The following CPT1A variants were observed in gnomAD, a reference collection of about 807,000 sequenced individuals.
CPT1A encodes the protein carnitine palmitoyltransferase 1A, also known as carnitine O-palmitoyltransferase 1, liver isoform.
In CPT1A, 64 loss-of-function variants were observed where a neutral mutation model predicts 100.8. The ratio of observed to expected loss-of-function variants is 0.63; its 90% CI spans 0.52 to 0.78. The LOEUF is 0.78. Among genes scored for constraint, CPT1A ranks in the 30% least tolerant of loss-of-function variants. The probability of loss-of-function intolerance (pLI) is 0.00; values close to 1 mark genes in which losing one functional copy is unlikely to be tolerated. For missense variants in CPT1A, 802 were observed against 1,034.1 expected (o/e 0.78, Z 3.08); for synonymous variants, 363 against 396.0 (o/e 0.92, Z 0.99).
Position 68,818,665 on chromosome 11 carries a change from C to G in CPT1A, c.-13-3178G>C, listed in dbSNP as rs1033309706. Reference sequence around the variant, plus strand: ...CTTGAGTCCAGGAACTCAAGACCAGCCTGGGCAACATGGCGAAACCCCGTC... The same window carrying G: ...CTTGAGTCCAGGAACTCAAGACCAGGCTGGGCAACATGGCGAAACCCCGTC... On this transcript the variant is annotated intron_variant, in intron 1 of 18. Transcript: ENST00000265641. 4 of 152,392 alleles carry G rather than the reference C, an allele frequency of 2.6e-5. No homozygotes were observed. The East Asian group carries it at 7.7e-4, about 29-fold the overall frequency. 9.4% of individuals were successfully genotyped at this position (152,392 alleles called of 1,614,324 possible). A position where few individuals can be genotyped will look rare whatever the true frequency, so the allele number is the denominator to read the frequency against.
At chr11:68,765,388 C>A (rs1854764890) in intron 14 of CPT1A, among the ~76,000 whole-genome samples, 1 of 152,180 alleles carries the variant, frequency 6.6e-6, no homozygotes, top group Non-Finnish European at 1.5e-5. Context: ...CACTGGAGCT[C>A]AGACGCCATC....
chr11:68,812,642 G>C (rs1174121476), intron 2 of CPT1A, 66 bp from the exon 3 acceptor site: 1 of 1,586,892 alleles, frequency 6.3e-7, no homozygotes, highest in Non-Finnish European at 8.6e-7. Flanking sequence ...GACGCTTCAT[G>C]GCCCCTGGCA....
chr11:68,842,433 C>A (rs76003365), upstream of CPT1A, among the ~76,000 whole-genome samples: 824 of 151,766 alleles, frequency 5.4e-3, 6 homozygotes, highest in African/African-American at 0.019. Flanking sequence ...AGCGAGACCC[C>A]GTCTCTAAAA....
chr11:68,806,265 G>T (rs1170776814), intron 4 of CPT1A, among the ~76,000 whole-genome samples: 1 of 152,086 alleles, frequency 6.6e-6, no homozygotes, highest in Non-Finnish European at 1.5e-5. Flanking sequence ...CTGAGCTCAG[G>T]TGGTTCACTG....
chr11:68,795,111 A>G (rs1855722926), intron 7 of CPT1A, among the ~76,000 whole-genome samples, 200 bp from the exon 8 acceptor site: 2 of 152,246 alleles, frequency 1.3e-5, no homozygotes. Context: ...TTATGAGAAC[A>G]TAAGTCCTCT....
chr11:68,804,806 C>G (rs1228294720), intron 4 of CPT1A, among the ~76,000 whole-genome samples: 1 of 152,202 alleles, frequency 6.6e-6, no homozygotes, highest in Non-Finnish European at 1.5e-5. Context: ...ACGTGCCTGG[C>G]CCTGAGCCAA....
chr11:68,832,706 T>C (rs1220072530), intron 1 of CPT1A, among the ~76,000 whole-genome samples: 7 of 152,282 alleles, frequency 4.6e-5, no homozygotes, highest in Admixed American at 4.6e-4. Context: ...GTCTTCCCAC[T>C]AGCATTGCAC....
At chr11:68,811,123 T>C (rs980903634) in intron 3 of CPT1A, among the ~76,000 whole-genome samples, 1 of 152,204 alleles carries the variant, frequency 6.6e-6, no homozygotes, top group Admixed American at 6.5e-5. Flanking sequence ...ACTATAAAGA[T>C]CCAGAGCTTC....
chr11:68,757,252 A>T lies in CPT1A; in HGVS notation c.*392T>A, dbSNP rs572939607. 526 of 1,046,164 alleles carry T rather than the reference A, an allele frequency of 5.0e-4. 1 individual carries two copies. The highest frequency in any genetic ancestry group is 9.5e-4 in the Admixed American group (20 of 20,962). The allele number at this position is 1,046,164 out of a possible 1,614,324, so 64.8% of individuals were successfully genotyped here. A position where few individuals can be genotyped will look rare whatever the true frequency, so the allele number is the denominator to read the frequency against. On this transcript the variant is annotated 3_prime_UTR_variant, in exon 19 of 19. Transcript: ENST00000265641. Reference sequence around the variant, plus strand: ...CAAAACAAAAGTTTACCCTGCTTGGATGATGCTAAATGCCCTTAAGCACTA... The same window carrying T: ...CAAAACAAAAGTTTACCCTGCTTGGTTGATGCTAAATGCCCTTAAGCACTA...
intron 15 of CPT1A, 30 bp downstream of exon 15, chr11:68,762,597 C>T (rs372737199): frequency 1.4e-5 from 22 of 1,612,044 alleles, no homozygotes; most frequent in Middle Eastern, 1.7e-4. Flanking sequence ...GTGACAAGCA[C>T]GTTGTGTCCT....
chr11:68,757,530 CTG>C lies in CPT1A; in HGVS notation c.*112_*113del. The C allele has an allele frequency of 1.3e-6, 2 of 1,559,164 alleles. No homozygotes were observed. The highest frequency in any genetic ancestry group is 1.7e-6 in the Non-Finnish European group (2 of 1,154,582). On this transcript the variant is annotated 3_prime_UTR_variant, in exon 19 of 19. Transcript: ENST00000265641. ...ACACCCACATTTTCTGGAAGGAAAACTGAGTTTTTTTAAGAGCAGTGTTTCAT... is the reference window on the plus strand; with the variant it reads ...ACACCCACATTTTCTGGAAGGAAAACAGTTTTTTTAAGAGCAGTGTTTCAT...
In CPT1A at chr11:68,794,883, A is replaced by T. The variant is rs1482209445; in HGVS notation, c.800T>A (p.Ile267Asn). Residue 267 changes from isoleucine (I) to asparagine (N), a missense_variant, in exon 8 of 19, where the codon ATT becomes AAT. Coordinates refer to ENST00000265641, the MANE Select transcript of CPT1A (RefSeq NM_001876.4). The stretch of plus-strand genomic sequence containing the variant: ...GGCGTTGCCGGCTCTTGCTGCCTGA[A>T]TGTGAGTTGGAAGGATATACAGCAG... ...MDLLYILPTH[I>N]QAARAGNAIH... 3 of 1,614,222 alleles carry T rather than the reference A, an allele frequency of 1.9e-6. No individual in the cohort carries two copies. The highest frequency in any genetic ancestry group is 8.5e-7 in the Non-Finnish European group (1 of 1,180,044).
chr11:68,754,685 G>A (rs143206812), downstream of CPT1A: 96 of 703,242 alleles, frequency 1.4e-4, no homozygotes, highest in African/African-American at 1.5e-3. Flanking sequence ...TTGAGGCAAT[G>A]GAATGGATGA....
intron 9 of CPT1A, 48 bp downstream of exon 9, chr11:68,793,267 G>T (rs1490418818): frequency 7.1e-7 from 1 of 1,402,620 alleles, no homozygotes; most frequent in South Asian, 1.2e-5. Flanking sequence ...TGAGCATAGG[G>T]ATGGAAAGTG....
rs957569323 is a variant in CPT1A at position 68,757,394 on chromosome 11, C to T, written c.*250G>A. The stretch of plus-strand genomic sequence containing the variant: ...TTTGCATCCCTTAATAAATCCAAGC[C>T]GATGCGGAGACATCAGGGGAGACTT... On this transcript the variant is annotated 3_prime_UTR_variant, in exon 19 of 19. Coordinates refer to ENST00000265641, the MANE Select transcript of CPT1A (RefSeq NM_001876.4). 24 of 1,372,314 alleles carry T rather than the reference C, an allele frequency of 1.7e-5. No individual in the cohort carries two copies. Among genetic ancestry groups the T allele is most frequent in the East Asian group, 2.9e-5 (1 of 34,370 alleles). The allele number at this position is 1,372,314 out of a possible 1,614,324, so 85.0% of individuals were successfully genotyped here. A position where few individuals can be genotyped will look rare whatever the true frequency, so the allele number is the denominator to read the frequency against.
rs71043448 is a variant in CPT1A at position 68,768,066 on chromosome 11, C to CTTTTTTTTTTTTTTTT, written c.1740+5183_1740+5198dup. On this transcript the variant is annotated intron_variant, in intron 14 of 18. Transcript: ENST00000265641. ...TCTCAGACACTTTCTAGTTTCCAGT[C>CTTTTTTTTTTTTTTTT]TTTTTTTTTTTTTTTTTTTTTTTTT... Among the ~76,000 whole-genome samples, 5 of 71,248 alleles carry CTTTTTTTTTTTTTTTT rather than the reference C, an allele frequency of 7.0e-5. 2 individuals are homozygous for CTTTTTTTTTTTTTTTT. The highest frequency in any genetic ancestry group is 2.4e-4 in the African/African-American group (4 of 16,382). 46.7% of individuals were successfully genotyped at this position (71,248 alleles called of 152,430 possible). A position where few individuals can be genotyped will look rare whatever the true frequency, so the allele number is the denominator to read the frequency against.
intron 9 of CPT1A, among the ~76,000 whole-genome samples, chr11:68,792,394 C>A (rs1242947107): frequency 6.6e-6 from 1 of 152,140 alleles, no homozygotes. Context: ...GCCAGCTTCC[C>A]AAGCAGCCCC....
At chr11:68,795,039 C>A in intron 7 of CPT1A, 128 bp from the exon 8 acceptor site, 1 of 737,072 alleles carries the variant, frequency 1.4e-6, no homozygotes, top group South Asian at 1.5e-5. Flanking sequence ...TATTCGGTTA[C>A]ATCTGCAATG....
chr11:68,842,331 A>G (rs1273309413), upstream of CPT1A, among the ~76,000 whole-genome samples: 1 of 152,012 alleles, frequency 6.6e-6, no homozygotes, highest in Non-Finnish European at 1.5e-5. Context: ...CAACCGATCC[A>G]CAGGGAGTGG....
Sources: gnomAD v4.1 joint callset for allele counts (sites outside exome capture counted in the v4.1 genomes callset) on GRCh38, gnomAD v4.1.1 for gene constraint, MANE v1.5 for transcripts, NCBI Gene and HGNC (gene_info 2026-07-23, HGNC 2026-07-21) for gene names.